CORO2B: variants seen among roughly 807,000 people sequenced by gnomAD.
CORO2B encodes the protein coronin-2B.
CORO2B carries 26 observed loss-of-function variants against 58.8 expected under a neutral mutation model. The observed-to-expected ratio is 0.44, with a 90% confidence interval of 0.32 to 0.61. The LOEUF is 0.61. Among genes scored for constraint, CORO2B ranks in the 20% least tolerant of loss-of-function variants. The pLI, the probability that CORO2B is intolerant of heterozygous loss-of-function variation, is 0.04. For synonymous variants in CORO2B, 242 were observed against 253.8 expected (o/e 0.95, Z 0.44); for missense variants, 460 against 645.1 (o/e 0.71, Z 3.11).
rs183363701 is a variant in CORO2B at position 68,605,100 on chromosome 15, C to T, written c.15+25823C>T. Among the ~76,000 whole-genome samples, 22 of 147,910 alleles carry T rather than the reference C, an allele frequency of 1.5e-4. No homozygotes were observed. In the East Asian group the frequency reaches 4.2e-3, roughly 28 times the overall value. On this transcript the variant is annotated intron_variant, in intron 1 of 11. Transcript: ENST00000261861. ...CTACACTCCAGTCTGGGCAACAGAG[C>T]GAGACTCCGTCTCAAGGAAAAAAAA...
At chr15:68,679,849 C>T (rs892335105) in intron 2 of CORO2B, among the ~76,000 whole-genome samples, 1 of 152,220 alleles carries the variant, frequency 6.6e-6, no homozygotes, top group African/African-American at 2.4e-5. Context: ...AGGACATTTT[C>T]AAGGCCATAG....
At chr15:68,582,416 C>T (rs1048652394) in intron 1 of CORO2B, among the ~76,000 whole-genome samples, 29 of 152,328 alleles carry the variant, frequency 1.9e-4, no homozygotes, top group African/African-American at 7.0e-4. Context: ...TGCCTCCTCT[C>T]AGTCCAACGT....
At chr15:68,545,607 G>GGGGGT in the CORO2B span, among the ~76,000 whole-genome samples, 1 of 124,300 alleles carries the variant, frequency 8.0e-6, no homozygotes, top group Non-Finnish European at 1.7e-5. Flanking sequence ...CAGGAATGCG[G>GGGGGT]GGGGCGGGGG....
At chr15:68,593,876 G>A (rs1381492879) in intron 1 of CORO2B, among the ~76,000 whole-genome samples, 1 of 152,062 alleles carries the variant, frequency 6.6e-6, no homozygotes, top group Non-Finnish European at 1.5e-5. Flanking sequence ...GACCTGAGAA[G>A]GGCGAGAGAA....
chr15:68,630,133 C>T (rs898124280), intron 1 of CORO2B, among the ~76,000 whole-genome samples: 14 of 152,266 alleles, frequency 9.2e-5, no homozygotes, highest in Admixed American at 4.6e-4. Flanking sequence ...CCCTCTTCCT[C>T]GTGGCTTCTG....
chr15:68,600,020 G>C (rs1020067429), intron 1 of CORO2B, among the ~76,000 whole-genome samples: 20 of 152,304 alleles, frequency 1.3e-4, no homozygotes, highest in African/African-American at 4.8e-4. Flanking sequence ...CTCCAGAGGG[G>C]ACCTGGGGCT....
chr15:68,600,512 C>T (rs540869493), intron 1 of CORO2B, among the ~76,000 whole-genome samples: 4 of 152,152 alleles, frequency 2.6e-5, no homozygotes, highest in Non-Finnish European at 2.9e-5. Flanking sequence ...AGGACTTAGT[C>T]GGAAAGACAA....
intron 1 of CORO2B, among the ~76,000 whole-genome samples, chr15:68,633,514 T>TACACACACAC (rs147873341): frequency 0.39 from 56,036 of 143,758 alleles, 11,832 homozygotes; most frequent in South Asian, 0.5. Context: ...TACTCCAACA[T>TACACACACAC]ACACACACAC....
chr15:68,714,465 A>G (rs1892986305), intron 6 of CORO2B, 94 bp from the exon 7 acceptor site: 1 of 903,478 alleles, frequency 1.1e-6, no homozygotes, highest in Non-Finnish European at 1.8e-6. Context: ...GTCTTAACAT[A>G]AAGTAGTTGC....
intron 2 of CORO2B, among the ~76,000 whole-genome samples, chr15:68,652,563 T>G (rs1353157566): frequency 6.6e-6 from 1 of 151,942 alleles, no homozygotes; most frequent in African/African-American, 2.4e-5. Flanking sequence ...ATATCAAGAG[T>G]CTGGGTTCTC....
chr15:68,559,845 G>A, the CORO2B span, among the ~76,000 whole-genome samples: 2 of 152,380 alleles, frequency 1.3e-5, no homozygotes, highest in East Asian at 3.9e-4. The surrounding 1 kb of genome is among the most constrained non-coding windows in gnomAD (Gnocchi z 4.3). Flanking sequence ...TCCCGCAAAC[G>A]CGCGCGCACG....
chr15:68,539,529 G>A, the CORO2B span, among the ~76,000 whole-genome samples: 4 of 151,796 alleles, frequency 2.6e-5, no homozygotes, highest in Admixed American at 6.6e-5. Context: ...AAAAAAATTA[G>A]CCGGTCGTGG....
chr15:68,547,226 T>C, the CORO2B span, among the ~76,000 whole-genome samples: 1 of 152,170 alleles, frequency 6.6e-6, no homozygotes, highest in Non-Finnish European at 1.5e-5. Flanking sequence ...TAATCTTACT[T>C]AGTGTCCATA....
At chr15:68,703,772 G>T (rs1283938995) in intron 3 of CORO2B, among the ~76,000 whole-genome samples, 1 of 152,092 alleles carries the variant, frequency 6.6e-6, no homozygotes, top group African/African-American at 2.4e-5. Flanking sequence ...AGAAAGCAGA[G>T]ATCTAACCAG....
intron 1 of CORO2B, among the ~76,000 whole-genome samples, chr15:68,600,049 A>T (rs533763494): frequency 1.3e-5 from 2 of 152,260 alleles, no homozygotes; most frequent in East Asian, 3.9e-4. Flanking sequence ...GAGTAGAGAC[A>T]GTTTCTGTGT....
At chr15:68,521,030 CAG>C in the CORO2B span, among the ~76,000 whole-genome samples, 1 of 150,944 alleles carries the variant, frequency 6.6e-6, no homozygotes, top group Non-Finnish European at 1.5e-5. Flanking sequence ...GCCTGGGTGA[CAG>C]AGCAAGGCTC....
At chr15:68,580,834 C>A (rs983421038) in intron 1 of CORO2B, among the ~76,000 whole-genome samples, 3 of 152,124 alleles carry the variant, frequency 2.0e-5, no homozygotes, top group Non-Finnish European at 4.4e-5. Flanking sequence ...TCCCCTGTGT[C>A]TCTTTTTGTG....
At chr15:68,547,099 C>T in the CORO2B span, among the ~76,000 whole-genome samples, 1 of 152,010 alleles carries the variant, frequency 6.6e-6, no homozygotes, top group African/African-American at 2.4e-5. Flanking sequence ...GAAGGTAAAA[C>T]AAAGAATGAG....
chr15:68,560,159 A>G, the CORO2B span, among the ~76,000 whole-genome samples: 2 of 152,198 alleles, frequency 1.3e-5, no homozygotes, highest in Non-Finnish European at 2.9e-5. Flanking sequence ...CGGATATTGA[A>G]TGTGAAAGAC....
Sources: gnomAD v4.1 joint callset for allele counts (sites outside exome capture counted in the v4.1 genomes callset) on GRCh38, gnomAD v4.1.1 for gene constraint, Gnocchi (gnomAD v3.1) non-coding constraint, MANE v1.5 for transcripts, NCBI Gene and HGNC (gene_info 2026-07-23, HGNC 2026-07-21) for gene names.